The following CRTAC1 variants were observed in gnomAD, a reference collection of about 807,000 sequenced individuals.
CRTAC1 encodes cartilage acidic protein 1, also known as acidic secreted protein in cartilage.
A neutral mutation model predicts 67.8 loss-of-function variants in CRTAC1; 37 were observed. That is an observed-to-expected ratio of 0.55 (90% CI 0.42 to 0.72). CRTAC1 has a LOEUF of 0.72. Among genes scored for constraint, CRTAC1 ranks in the 30% least tolerant of loss-of-function variants. The probability of loss-of-function intolerance (pLI) is 0.00; values close to 1 mark genes in which losing one functional copy is unlikely to be tolerated. For synonymous variants in CRTAC1, 348 were observed against 371.0 expected (o/e 0.94, Z 0.71); for missense variants, 780 against 931.6 (o/e 0.84, Z 2.12).
At chr10:98,020,134 G>A (rs986807480) in intron 1 of CRTAC1, among the ~76,000 whole-genome samples, 3 of 152,084 alleles carry the variant, frequency 2.0e-5, no homozygotes, top group African/African-American at 7.2e-5. Context: ...AACTGCTTCT[G>A]TCTCTCCTCT....
chr10:97,980,981 A>C (rs1016332677), intron 2 of CRTAC1, among the ~76,000 whole-genome samples: 2 of 152,248 alleles, frequency 1.3e-5, no homozygotes, highest in Admixed American at 6.5e-5. Flanking sequence ...ATCAGACAGA[A>C]GAATCTGCAG....
intron 2 of CRTAC1, among the ~76,000 whole-genome samples, chr10:97,946,515 G>C (rs56836674): frequency 0.017 from 2,612 of 152,312 alleles, 63 homozygotes; most frequent in African/African-American, 0.059. Context: ...GATTGGCTCA[G>C]GGTGGGTCAC....
At chr10:97,965,561 A>G (rs1590245008) in intron 2 of CRTAC1, among the ~76,000 whole-genome samples, 1 of 151,682 alleles carries the variant, frequency 6.6e-6, no homozygotes, top group East Asian at 1.9e-4. Flanking sequence ...CTTTTTTGGT[A>G]AGCTCCTACT....
chr10:97,982,602 T>TC (rs2051909716), intron 2 of CRTAC1, among the ~76,000 whole-genome samples: 1 of 152,136 alleles, frequency 6.6e-6, no homozygotes, highest in Admixed American at 6.5e-5. Flanking sequence ...ACAATCATAA[T>TC]CCCCATCATC....
At chr10:97,935,693 A>G (rs1383562640) in intron 3 of CRTAC1, among the ~76,000 whole-genome samples, 1 of 152,206 alleles carries the variant, frequency 6.6e-6, no homozygotes, top group Non-Finnish European at 1.5e-5. Context: ...TGAACAAGTG[A>G]GCTCAGCTGA....
rs572432036 is a variant in CRTAC1, at chr10:97,921,035, G to C, written c.558+2229C>G. 3.9e-5 allele frequency among the ~76,000 whole-genome samples: 6 copies of C among 152,276 alleles called. No homozygotes were observed. The South Asian group carries it at 1.2e-3, about 32-fold the overall frequency. ...GAGAGAGAACAGCACATGGCAGAGT[G>C]GGGGCGGGGCTGAGGCATTTATGGA... On this transcript the variant is annotated intron_variant, in intron 4 of 14. Coordinates refer to ENST00000370597, the MANE Select transcript of CRTAC1 (RefSeq NM_018058.7).
At chr10:97,992,387 G>C (rs180758216) in intron 2 of CRTAC1, among the ~76,000 whole-genome samples, 11 of 152,324 alleles carry the variant, frequency 7.2e-5, no homozygotes, top group Admixed American at 7.2e-4. Flanking sequence ...CCGTATGGAA[G>C]TTCCTCAAAA....
chr10:97,936,395 G>A (rs1425980242), intron 2 of CRTAC1, 29 bp from the exon 3 acceptor site: 1 of 1,577,066 alleles, frequency 6.3e-7, no homozygotes, highest in South Asian at 1.1e-5. Context: ...GGGGATGCTG[G>A]GGAGGAGCCG....
Position 97,895,491 on chromosome 10 carries a change from G to A in CRTAC1, c.1318-78C>T, listed in dbSNP as rs1011856663. The A allele has an allele frequency of 1.1e-5, 14 of 1,325,124 alleles. No homozygotes were observed. Among genetic ancestry groups the A allele is most frequent in the African/African-American group, 1.5e-5 (1 of 67,822 alleles). The allele number at this position is 1,325,124 out of a possible 1,614,324, so 82.1% of individuals were successfully genotyped here. On this transcript the variant is annotated intron_variant, in intron 10 of 14. Coordinates refer to ENST00000370597, the MANE Select transcript of CRTAC1 (RefSeq NM_018058.7). The surrounding 1 kb of genome is among the most constrained non-coding windows in gnomAD (Gnocchi z 4.2). The stretch of plus-strand genomic sequence containing the variant: ...GAAGAGCAGGGAGCCAGGGAGGACG[G>A]GAGGGGGAGAGGGAGAAGAAGGAGG...
intron 7 of CRTAC1, among the ~76,000 whole-genome samples, chr10:97,904,244 C>T (rs1442479829): frequency 6.6e-6 from 1 of 151,940 alleles, no homozygotes; most frequent in Non-Finnish European, 1.5e-5. Flanking sequence ...AGCTGTAGTC[C>T]CTCGTCCCCT....
In CRTAC1 at chr10:97,880,411, C is replaced by T; in HGVS notation, c.1676-19G>A. 1.2e-6 allele frequency: 2 copies of T among 1,610,308 alleles called. No homozygotes were observed. Among genetic ancestry groups the T allele is most frequent in the Non-Finnish European group, 1.7e-6 (2 of 1,176,822 alleles). On this transcript the variant is annotated intron_variant, in intron 13 of 14. Transcript: ENST00000370597. ...TTGGTGTCTGCAAGGCGAGGGGAACCACTCACCATGAAGGTGTGGGGCAGC... is the reference window on the plus strand; with the variant it reads ...TTGGTGTCTGCAAGGCGAGGGGAACTACTCACCATGAAGGTGTGGGGCAGC...
intron 1 of CRTAC1, among the ~76,000 whole-genome samples, chr10:98,011,894 T>G (rs1447322174): frequency 6.6e-6 from 1 of 152,124 alleles, no homozygotes; most frequent in Non-Finnish European, 1.5e-5. Context: ...TCTCAAACAA[T>G]GCAGAGTTTG....
chr10:97,993,136 TG>T (rs1842491805), intron 2 of CRTAC1, among the ~76,000 whole-genome samples: 1 of 152,190 alleles, frequency 6.6e-6, no homozygotes, highest in Non-Finnish European at 1.5e-5. Flanking sequence ...TCTCCTGTCT[TG>T]GTGTTAGGAA....
In CRTAC1 at chr10:97,907,681, A is replaced by G. The variant is rs568901021; in HGVS notation, c.850+332T>C. Among the ~76,000 whole-genome samples, 11 of 152,182 alleles carry G rather than the reference A, an allele frequency of 7.2e-5. 1 individual carries two copies. The highest frequency in any genetic ancestry group is 1.3e-4 in the Non-Finnish European group (9 of 67,998). ...TTGAAGATAAATGTGGGAGGGGGCC[A>G]AGGTGGGGAGAGGCAGCTTGGAGGA... is the stretch of plus-strand genomic sequence containing the variant. On this transcript the variant is annotated intron_variant, in intron 6 of 14. Coordinates refer to ENST00000370597, the MANE Select transcript of CRTAC1 (RefSeq NM_018058.7).
At chr10:97,894,025 G>T (rs1254589870) in intron 11 of CRTAC1, among the ~76,000 whole-genome samples, 1 of 152,136 alleles carries the variant, frequency 6.6e-6, no homozygotes, top group Admixed American at 6.6e-5. Context: ...TTCTAGTTCT[G>T]GGCTATTAAG....
chr10:97,887,749 C>T (rs920790221), intron 11 of CRTAC1, among the ~76,000 whole-genome samples: 15 of 152,214 alleles, frequency 9.9e-5, no homozygotes, highest in Non-Finnish European at 1.9e-4. Flanking sequence ...AGCCTTACCA[C>T]TCCTAGGAAG....
chr10:97,940,726 T>G (rs2051160193), intron 2 of CRTAC1, among the ~76,000 whole-genome samples: 1 of 152,204 alleles, frequency 6.6e-6, no homozygotes, highest in Non-Finnish European at 1.5e-5. Flanking sequence ...TCCTCTAAGC[T>G]TTGACTTCTG....
At chr10:97,889,762 G>A (rs1025288751) in intron 11 of CRTAC1, among the ~76,000 whole-genome samples, 1 of 152,114 alleles carries the variant, frequency 6.6e-6, no homozygotes, top group Non-Finnish European at 1.5e-5. Flanking sequence ...GGGAGGCAGC[G>A]CGTGACTCAT....
intron 1 of CRTAC1, among the ~76,000 whole-genome samples, chr10:98,026,272 C>T (rs992293204): frequency 1.6e-4 from 25 of 152,116 alleles, no homozygotes; most frequent in African/African-American, 6.0e-4. Flanking sequence ...AGCCAGCAAG[C>T]GGAGACCAGA....
Sources: gnomAD v4.1 joint callset for allele counts (sites outside exome capture counted in the v4.1 genomes callset) on GRCh38, gnomAD v4.1.1 for gene constraint, Gnocchi (gnomAD v3.1) non-coding constraint, MANE v1.5 for transcripts, NCBI Gene and HGNC (gene_info 2026-07-23, HGNC 2026-07-21) for gene names.